Variants in UBE2E1 observed in about 807,000 individuals in gnomAD.
UBE2E1 encodes ubiquitin-conjugating enzyme E2 E1.
A neutral mutation model predicts 21.4 loss-of-function variants in UBE2E1; 6 were observed. That is an observed-to-expected ratio of 0.28 (90% CI 0.15 to 0.55). The LOEUF is 0.55. Among genes scored for constraint, UBE2E1 ranks in the 20% least tolerant of loss-of-function variants. The pLI, the probability that UBE2E1 is intolerant of heterozygous loss-of-function variation, is 0.93. For synonymous variants in UBE2E1, 87 were observed against 82.7 expected, an observed-to-expected ratio of 1.05 and a Z score of -0.28; for missense variants, 142 against 236.5, an observed-to-expected ratio of 0.60 and a Z score of 2.62.
chr3:23,884,697 T>C (rs969271251), intron 3 of UBE2E1, among the ~76,000 whole-genome samples: 1 of 152,214 alleles, frequency 6.6e-6, no homozygotes, highest in African/African-American at 2.4e-5. Flanking sequence ...GGTTGGTTTC[T>C]TAGCACTACC....
At chr3:23,872,103 G>C (rs1474281854) in intron 3 of UBE2E1, among the ~76,000 whole-genome samples, 2 of 152,182 alleles carry the variant, frequency 1.3e-5, no homozygotes, top group African/African-American at 4.8e-5. Flanking sequence ...GAGTGAACCA[G>C]ACTCCGTCTG....
intron 4 of UBE2E1, chr3:23,888,364 A>C (rs1701243276): frequency 2.5e-6 from 1 of 401,810 alleles, no homozygotes; most frequent in African/African-American, 2.1e-5. Flanking sequence ...GCCAGATAAA[A>C]GTACAACTGC....
chr3:23,889,311 C>G, intron 5 of UBE2E1, 52 bp downstream of exon 5: 1 of 1,610,974 alleles, frequency 6.2e-7, no homozygotes, highest in South Asian at 1.1e-5. Flanking sequence ...CTGAAAAATA[C>G]TTGTTTCCAA....
At chr3:23,889,874 G>T (rs1476190716) in intron 5 of UBE2E1, 4 of 408,678 alleles carry the variant, frequency 9.8e-6, no homozygotes, top group African/African-American at 2.2e-5. Context: ...CAGCCTGGGT[G>T]GCAAAGCGAG....
At chr3:23,878,350 C>T (rs929250372) in intron 3 of UBE2E1, among the ~76,000 whole-genome samples, 17 of 152,202 alleles carry the variant, frequency 1.1e-4, no homozygotes, top group Non-Finnish European at 7.3e-5. Context: ...TAAAAGGTAG[C>T]GATAGTCATC....
intron 3 of UBE2E1, among the ~76,000 whole-genome samples, chr3:23,882,860 GA>G (rs1701084464): frequency 6.6e-6 from 1 of 152,200 alleles, no homozygotes; most frequent in Non-Finnish European, 1.5e-5. Flanking sequence ...CGCCCACCCG[GA>G]ACTCTCGCTG....
chr3:23,865,125 C>T (rs1700627451), intron 3 of UBE2E1, among the ~76,000 whole-genome samples: 1 of 152,192 alleles, frequency 6.6e-6, no homozygotes, highest in African/African-American at 2.4e-5. Flanking sequence ...GCCCTCTGCT[C>T]AGGGTCTCTC....
chr3:23,811,565 G>A, intron 3 of UBE2E1, 55 bp downstream of exon 3: 2 of 1,544,816 alleles, frequency 1.3e-6, no homozygotes, highest in South Asian at 1.1e-5. Flanking sequence ...CCTTTGTCTT[G>A]GGTTTTTCTT....
At chr3:23,872,232 G>A (rs1700813895) in intron 3 of UBE2E1, among the ~76,000 whole-genome samples, 1 of 152,072 alleles carries the variant, frequency 6.6e-6, no homozygotes, top group Non-Finnish European at 1.5e-5. Flanking sequence ...AACCAGTCAG[G>A]CGTGGCGGCG....
rs72627054 is a variant in UBE2E1, at chr3:23,885,281, G to A, written c.204-2286G>A. 1.4e-3 allele frequency among the ~76,000 whole-genome samples: 216 copies of A among 152,220 alleles called. 5 individuals carry two copies. The East Asian group carries it at 0.028, about 20-fold the overall frequency. ...TTCAAAGGCTCCACCTCCTAATACC[G>A]TCACATTGAGGATTAGGATTTCAAC... On this transcript the variant is annotated intron_variant, in intron 3 of 5. Coordinates refer to ENST00000306627, the MANE Select transcript of UBE2E1 (RefSeq NM_003341.5).
At chr3:23,846,869 CT>C (rs920934610) in intron 3 of UBE2E1, among the ~76,000 whole-genome samples, 43 of 149,144 alleles carry the variant, frequency 2.9e-4, no homozygotes, top group African/African-American at 8.4e-4. Context: ...TGTTTAGCTA[CT>C]TTTTTTTTTC....
intron 2 of UBE2E1, 83 bp from the exon 3 acceptor site, chr3:23,811,377 T>C: frequency 7.5e-7 from 1 of 1,332,190 alleles, no homozygotes; most frequent in Middle Eastern, 1.8e-4. Flanking sequence ...CTTAGGTTTA[T>C]CTGCAGACCT....
intron 3 of UBE2E1, among the ~76,000 whole-genome samples, chr3:23,844,531 C>CT (rs1156949988): frequency 6.6e-6 from 1 of 152,120 alleles, no homozygotes; most frequent in Admixed American, 6.5e-5. Flanking sequence ...GGTCCGTAAT[C>CT]TTTTTTGGAC....
chr3:23,807,259 G>T lies in UBE2E1; in HGVS notation c.-11G>T. Reference sequence around the variant, plus strand: ...CAGGGGCTGTTTGCGGGGTGGGGTGGGGGGTTCGCTATGTCGGATGACGAT... The same window carrying T: ...CAGGGGCTGTTTGCGGGGTGGGGTGTGGGGTTCGCTATGTCGGATGACGAT... On this transcript the variant is annotated 5_prime_UTR_variant, in exon 2 of 6. Transcript: ENST00000306627. 3 of 1,610,132 alleles carry T rather than the reference G, an allele frequency of 1.9e-6. No homozygotes were observed. The highest frequency in any genetic ancestry group is 1.7e-6 in the Non-Finnish European group (2 of 1,178,492).
At position 23,829,120 on chromosome 3, in the gene UBE2E1, A is replaced by G. The variant is rs532352631; in HGVS notation, c.203+17610A>G. ...TCTTGAAAATAAGTTCTTATTTTTG[A>G]TAAGATGGAGGATTATTATTATTAT... On this transcript the variant is annotated intron_variant, in intron 3 of 5. Coordinates refer to ENST00000306627, the MANE Select transcript of UBE2E1 (RefSeq NM_003341.5). Among the ~76,000 whole-genome samples, 74 of 150,436 alleles carry G rather than the reference A, an allele frequency of 4.9e-4. No individual in the cohort carries two copies. The South Asian group carries it at 0.015, about 31-fold the overall frequency.
At chr3:23,854,023 C>T (rs758096282) in intron 3 of UBE2E1, among the ~76,000 whole-genome samples, 38 of 152,150 alleles carry the variant, frequency 2.5e-4, no homozygotes, top group African/African-American at 6.0e-4. Flanking sequence ...TTTGGGAGAC[C>T]GAGGTGCATG....
intron 3 of UBE2E1, among the ~76,000 whole-genome samples, chr3:23,833,629 T>C (rs1699913901): frequency 6.6e-6 from 1 of 152,230 alleles, no homozygotes; most frequent in Non-Finnish European, 1.5e-5. Flanking sequence ...TAATTTCTTA[T>C]ATTTTACAGC....
At chr3:23,865,265 C>A (rs144095889) in intron 3 of UBE2E1, among the ~76,000 whole-genome samples, 1 of 152,324 alleles carries the variant, frequency 6.6e-6, no homozygotes, top group East Asian at 1.9e-4. Context: ...AGAGGCCGCT[C>A]ATAGTTCTCT....
At chr3:23,890,433 C>G in intron 5 of UBE2E1, 76 bp from the exon 6 acceptor site, 1 of 1,422,082 alleles carries the variant, frequency 7.0e-7, no homozygotes, top group Middle Eastern at 1.8e-4. Flanking sequence ...ACGTATCTAC[C>G]CAAGCTGTCA....
Sources: gnomAD v4.1 joint callset for allele counts (sites outside exome capture counted in the v4.1 genomes callset) on GRCh38, gnomAD v4.1.1 for gene constraint, MANE v1.5 for transcripts, NCBI Gene and HGNC (gene_info 2026-07-23, HGNC 2026-07-21) for gene names.